The following GPC6 variants were observed in gnomAD, a reference collection of about 807,000 sequenced individuals.
The protein encoded by GPC6 is glypican-6.
GPC6 carries 14 observed loss-of-function variants against 55.2 expected under a neutral mutation model. That is an observed-to-expected ratio of 0.25 (90% CI 0.17 to 0.40). GPC6 has a LOEUF of 0.40. Ranked by LOEUF, GPC6 falls within the 10% of genes least tolerant of loss-of-function variation. The probability of loss-of-function intolerance (pLI) is 1.00; values close to 1 mark genes in which losing one functional copy is unlikely to be tolerated. For synonymous variants in GPC6, 278 were observed against 259.6 expected (o/e 1.07, Z -0.68); for missense variants, 641 against 708.5 (o/e 0.90, Z 1.08).
intron 5 of GPC6, among the ~76,000 whole-genome samples, chr13:94,299,870 G>A (rs898434002): frequency 3.9e-5 from 6 of 152,078 alleles, no homozygotes; most frequent in Non-Finnish European, 5.9e-5. Flanking sequence ...ATGAAGATAC[G>A]ATAGCTTCTA....
At chr13:93,711,671 T>C (rs1195386743) in intron 2 of GPC6, among the ~76,000 whole-genome samples, 5 of 151,726 alleles carry the variant, frequency 3.3e-5, no homozygotes, top group African/African-American at 1.2e-4. Context: ...GCCACCAGAT[T>C]AAGTCAAACC....
intron 3 of GPC6, among the ~76,000 whole-genome samples, chr13:93,941,783 A>G (rs1431637837): frequency 6.6e-6 from 1 of 152,168 alleles, no homozygotes; most frequent in Non-Finnish European, 1.5e-5. Flanking sequence ...TTTGTAGGAC[A>G]TTGTCTCAAG....
chr13:93,247,773 C>G (rs553839530), intron 1 of GPC6, among the ~76,000 whole-genome samples: 6 of 152,214 alleles, frequency 3.9e-5, no homozygotes, highest in African/African-American at 1.4e-4. Context: ...ACCACCTTCC[C>G]CTCTTTAAAA....
chr13:93,681,055 G>A (rs1328131703), intron 2 of GPC6, among the ~76,000 whole-genome samples: 1 of 152,114 alleles, frequency 6.6e-6, no homozygotes, highest in Non-Finnish European at 1.5e-5. Context: ...TGTGTCTTAT[G>A]TCCACATTAC....
chr13:94,000,781 AC>A (rs1471197326), intron 3 of GPC6, among the ~76,000 whole-genome samples: 2 of 152,232 alleles, frequency 1.3e-5, no homozygotes, highest in East Asian at 1.9e-4. Flanking sequence ...AAACAGTTTT[AC>A]AAAGGATCAT....
At chr13:93,882,984 A>G (rs1325450375) in intron 3 of GPC6, among the ~76,000 whole-genome samples, 1 of 152,124 alleles carries the variant, frequency 6.6e-6, no homozygotes, top group Non-Finnish European at 1.5e-5. Context: ...AGAGGTTTTT[A>G]ATTTTTTTCC....
intron 2 of GPC6, among the ~76,000 whole-genome samples, chr13:93,805,874 C>T (rs1027739781): frequency 2.0e-5 from 3 of 152,060 alleles, no homozygotes; most frequent in Non-Finnish European, 4.4e-5. Flanking sequence ...CCTTTTCTTT[C>T]CCTGTAGCCT....
intron 6 of GPC6, among the ~76,000 whole-genome samples, chr13:94,306,852 T>C (rs1224019374): frequency 6.6e-6 from 1 of 152,256 alleles, no homozygotes; most frequent in Non-Finnish European, 1.5e-5. Flanking sequence ...TTTGTAGTAC[T>C]GTAAACACTT....
intron 2 of GPC6, among the ~76,000 whole-genome samples, chr13:93,707,624 G>A (rs1221009918): frequency 6.6e-6 from 1 of 151,668 alleles, no homozygotes; most frequent in Admixed American, 6.6e-5. Flanking sequence ...GCATAACAAG[G>A]GTTTGCCTGA....
intron 2 of GPC6, among the ~76,000 whole-genome samples, chr13:93,573,072 A>G (rs903289152): frequency 9.2e-5 from 14 of 152,204 alleles, no homozygotes; most frequent in South Asian, 2.1e-4. Context: ...TAAAAAGTCA[A>G]TAGATATCTA....
chr13:94,024,373 A>G (rs533850778), intron 3 of GPC6, among the ~76,000 whole-genome samples: 1 of 152,290 alleles, frequency 6.6e-6, no homozygotes, highest in South Asian at 2.1e-4. Flanking sequence ...ATAAAACACT[A>G]TGAAAAATAG....
chr13:94,106,559 G>A (rs1166859725), intron 4 of GPC6, among the ~76,000 whole-genome samples: 2 of 151,594 alleles, frequency 1.3e-5, no homozygotes, highest in East Asian at 3.9e-4. Flanking sequence ...GAGAGGGAGG[G>A]AAAGAGATTA....
intron 3 of GPC6, among the ~76,000 whole-genome samples, chr13:94,025,933 A>T (rs1331221885): frequency 6.6e-6 from 1 of 152,222 alleles, no homozygotes; most frequent in Non-Finnish European, 1.5e-5. Context: ...GGATAAAAAA[A>T]ATTAAAGGAT....
At chr13:94,330,390 T>A (rs992767293) in intron 6 of GPC6, among the ~76,000 whole-genome samples, 4 of 152,192 alleles carry the variant, frequency 2.6e-5, no homozygotes, top group African/African-American at 9.7e-5. Context: ...CTGGGAAACA[T>A]TAAATACTGA....
chr13:93,597,471 C>T (rs1877812856), intron 2 of GPC6, among the ~76,000 whole-genome samples: 1 of 152,088 alleles, frequency 6.6e-6, no homozygotes, highest in South Asian at 2.1e-4. Context: ...GAACCTGGGC[C>T]CCCTTCCATC....
At chr13:93,843,159 C>G (rs573594915) in intron 3 of GPC6, among the ~76,000 whole-genome samples, 22 of 149,530 alleles carry the variant, frequency 1.5e-4, no homozygotes, top group African/African-American at 5.4e-4. Context: ...GCCGATATAT[C>G]TGGGTATCTC....
intron 4 of GPC6, among the ~76,000 whole-genome samples, chr13:94,115,346 G>T (rs768124453): frequency 6.6e-6 from 1 of 152,088 alleles, no homozygotes; most frequent in Non-Finnish European, 1.5e-5. Flanking sequence ...CAAGGGGTTG[G>T]TGGGGGGGTG....
At chr13:93,960,316 T>G (rs1363535996) in intron 3 of GPC6, among the ~76,000 whole-genome samples, 2 of 152,234 alleles carry the variant, frequency 1.3e-5, no homozygotes, top group Non-Finnish European at 2.9e-5. Context: ...TTTGACTCAC[T>G]GATCTATATC....
intron 2 of GPC6, among the ~76,000 whole-genome samples, chr13:93,625,348 A>G (rs1469396436): frequency 6.6e-6 from 1 of 152,218 alleles, no homozygotes; most frequent in Non-Finnish European, 1.5e-5. Context: ...TAAAAAAGAA[A>G]GTAATTAAAC....
Sources: gnomAD v4.1 joint callset for allele counts (sites outside exome capture counted in the v4.1 genomes callset) on GRCh38, gnomAD v4.1.1 for gene constraint, MANE v1.5 for transcripts, NCBI Gene and HGNC (gene_info 2026-07-23, HGNC 2026-07-21) for gene names.